The following PKHD1 variants were observed in gnomAD, a reference collection of about 807,000 sequenced individuals.
The protein encoded by PKHD1 is fibrocystin.
Under a neutral mutation model 412.0 loss-of-function variants are expected in PKHD1, and 291 were observed. The observed-to-expected ratio is 0.71, with a 90% CI of 0.64 to 0.78. The LOEUF (loss-of-function observed/expected upper bound fraction) is 0.78, where lower values mean the gene tolerates loss of function less well. Ranked by LOEUF, PKHD1 falls within the 30% of genes least tolerant of loss-of-function variation. PKHD1 has a pLI of 0.00. For synonymous variants in PKHD1, 1,777 were observed against 1,821.5 expected (o/e 0.98, Z 0.62); for missense variants, 4,825 against 4,950.7 (o/e 0.97, Z 0.76).
At chr6:51,651,055 G>C (rs911317139) in intron 61 of PKHD1, among the ~76,000 whole-genome samples, 1 of 152,132 alleles carries the variant, frequency 6.6e-6, no homozygotes, top group African/African-American at 2.4e-5. Context: ...GAGACTGAAA[G>C]ACCCCATCAA....
chr6:51,840,690 A>C (rs536757669), intron 50 of PKHD1, among the ~76,000 whole-genome samples: 23 of 152,262 alleles, frequency 1.5e-4, no homozygotes, highest in African/African-American at 5.5e-4. Flanking sequence ...GAACTAAACA[A>C]ATTTTCTCAT....
intron 49 of PKHD1, among the ~76,000 whole-genome samples, chr6:51,852,497 G>A (rs1334180017): frequency 6.6e-6 from 1 of 152,112 alleles, no homozygotes; most frequent in Non-Finnish European, 1.5e-5. Flanking sequence ...TACTGACAGT[G>A]GGGTATTAAA....
At chr6:51,915,754 A>G (rs1462613148) in intron 37 of PKHD1, among the ~76,000 whole-genome samples, 19 of 152,026 alleles carry the variant, frequency 1.2e-4, no homozygotes, top group Admixed American at 1.2e-3. Context: ...AGCCCCTACT[A>G]CCTTCCTAAA....
chr6:52,083,797 C>T (rs1300932860), intron 2 of PKHD1, among the ~76,000 whole-genome samples: 1 of 151,994 alleles, frequency 6.6e-6, no homozygotes, highest in African/African-American at 2.4e-5. Flanking sequence ...TTTGCACCAA[C>T]CTAATAGAAG....
At chr6:51,648,396 G>A (rs1178021981) in intron 62 of PKHD1, among the ~76,000 whole-genome samples, 1 of 152,190 alleles carries the variant, frequency 6.6e-6, no homozygotes, top group East Asian at 1.9e-4. Context: ...GGTACTATGT[G>A]CTGAAGGTTC....
At chr6:51,668,816 G>C (rs1178395891) in intron 60 of PKHD1, among the ~76,000 whole-genome samples, 1 of 152,148 alleles carries the variant, frequency 6.6e-6, no homozygotes, top group Non-Finnish European at 1.5e-5. Context: ...TGTGGTTTTT[G>C]TCTTCTGTTC....
intron 50 of PKHD1, among the ~76,000 whole-genome samples, chr6:51,846,763 A>G (rs1771232134): frequency 1.3e-5 from 2 of 152,100 alleles, no homozygotes; most frequent in Admixed American, 6.6e-5. Flanking sequence ...AAACAGACAC[A>G]GCCCACCCCT....
chr6:51,906,877 T>C (rs1039175741), intron 40 of PKHD1, among the ~76,000 whole-genome samples: 3 of 152,144 alleles, frequency 2.0e-5, no homozygotes, highest in African/African-American at 7.2e-5. Flanking sequence ...GATAGGTTTA[T>C]ACAACTAAAG....
At position 51,659,488 on chromosome 6, in the gene PKHD1, G is replaced by C; in HGVS notation, c.10638C>G (p.Val3546=). ...FNIMDNLLYV[V]LQGEEPIEIR... ...TTTCAATGGGCTCCTCTCCTTGTAGGACAACATACAAGAGGTTATCCATGA... is the reference window on the plus strand; with the variant it reads ...TTTCAATGGGCTCCTCTCCTTGTAGCACAACATACAAGAGGTTATCCATGA... The change falls in exon 61 of 67, where the codon GTC becomes GTG. Residue 3546 remains valine (V), a synonymous_variant. Transcript: ENST00000371117. The C allele has an allele frequency of 6.2e-7, 1 of 1,613,590 alleles. No homozygotes were observed. Among genetic ancestry groups the C allele is most frequent in the Non-Finnish European group, 8.5e-7 (1 of 1,179,772 alleles).
In PKHD1 at chr6:51,619,246, T is replaced by TAGC. The variant is rs1403450324; in HGVS notation, c.12057_12059dup (p.Leu4020dup). 6.2e-7 allele frequency: 1 copy of TAGC among 1,614,270 alleles called. No homozygotes were observed. The highest frequency in any genetic ancestry group is 1.1e-5 in the South Asian group (1 of 91,090). ...GCCTCTCTTGTCTGAAGTCTGGGCATAGCAGCAGCAGCTGATTTTGGCCTG... is the reference window on the plus strand; with the variant it reads ...GCCTCTCTTGTCTGAAGTCTGGGCATAGCAGCAGCAGCAGCTGATTTTGGCCTG... On this transcript the variant is annotated inframe_insertion, in exon 67 of 67. Transcript: ENST00000371117.
chr6:52,004,411 C>T (rs527613234), intron 35 of PKHD1, among the ~76,000 whole-genome samples: 7 of 152,134 alleles, frequency 4.6e-5, no homozygotes, highest in African/African-American at 1.7e-4. Flanking sequence ...TCCTTTAAAA[C>T]CTTTAATATG....
At chr6:51,825,226 G>A (rs983260881) in intron 52 of PKHD1, among the ~76,000 whole-genome samples, 3 of 152,146 alleles carry the variant, frequency 2.0e-5, no homozygotes, top group African/African-American at 7.2e-5. Flanking sequence ...CAAATTCTTA[G>A]CTATTCCTCC....
At chr6:51,787,084 G>T (rs923965681) in intron 53 of PKHD1, among the ~76,000 whole-genome samples, 2 of 152,182 alleles carry the variant, frequency 1.3e-5, no homozygotes, top group Non-Finnish European at 2.9e-5. Context: ...CCACCGGCTG[G>T]GCATGGTGGC....
intron 35 of PKHD1, among the ~76,000 whole-genome samples, chr6:51,983,550 C>A (rs1321931527): frequency 6.6e-6 from 1 of 152,088 alleles, no homozygotes; most frequent in Non-Finnish European, 1.5e-5. Flanking sequence ...GATAAAAGGA[C>A]AAAGCAAATT....
chr6:52,043,560 C>T (rs867707677), intron 26 of PKHD1, 65 bp downstream of exon 26: 2 of 1,098,220 alleles, frequency 1.8e-6, no homozygotes, highest in Non-Finnish European at 1.4e-6. Context: ...AGCTACATGG[C>T]CTCTAACAAA....
intron 33 of PKHD1, among the ~76,000 whole-genome samples, chr6:52,018,801 C>T (rs1364822205): frequency 6.6e-6 from 1 of 152,208 alleles, no homozygotes; most frequent in Non-Finnish European, 1.5e-5. Context: ...AGGCATGAGC[C>T]ACCGTGCCTG....
In PKHD1 at chr6:51,922,790, A is replaced by T. The variant is rs574541231; in HGVS notation, c.6122-10214T>A. Among the ~76,000 whole-genome samples, 7 of 152,210 alleles carry T rather than the reference A, an allele frequency of 4.6e-5. No individual in the cohort carries two copies. The South Asian group carries it at 1.5e-3, about 32-fold the overall frequency. On this transcript the variant is annotated intron_variant, in intron 37 of 66. Transcript: ENST00000371117. ...TCCTGGTGTGCCATTTTCTAAGACC[A>T]TTGGAAAAGTGCAGCACTAGGGTGG...
chr6:51,993,487 T>C (rs993411313), intron 35 of PKHD1, among the ~76,000 whole-genome samples: 12 of 152,240 alleles, frequency 7.9e-5, no homozygotes, highest in Non-Finnish European at 1.6e-4. Context: ...AGTGTCTTTT[T>C]TGCTAAGTTA....
intron 43 of PKHD1, among the ~76,000 whole-genome samples, chr6:51,896,100 C>A (rs527512431): frequency 1.4e-4 from 21 of 152,330 alleles, no homozygotes; most frequent in African/African-American, 5.1e-4. Flanking sequence ...GAGGGGCGCC[C>A]ACCATTGCCC....
Sources: gnomAD v4.1 joint callset for allele counts (sites outside exome capture counted in the v4.1 genomes callset) on GRCh38, gnomAD v4.1.1 for gene constraint, MANE v1.5 for transcripts, NCBI Gene and HGNC (gene_info 2026-07-23, HGNC 2026-07-21) for gene names.